Variants in NQO1 observed in about 807,000 individuals in gnomAD.
NQO1 encodes NAD(P)H quinone dehydrogenase 1, also known as NAD(P)H dehydrogenase [quinone] 1.
NQO1 carries 30 observed loss-of-function variants against 32.1 expected under a neutral mutation model. The ratio of observed to expected loss-of-function variants is 0.94; its 90% CI spans 0.70 to 1.27. The LOEUF is 1.27. NQO1 is among the 50% of genes most tolerant of loss of function. The pLI is 0.00. For missense variants in NQO1, 276 were observed against 331.3 expected, an observed-to-expected ratio of 0.83 and a Z score of 1.30; for synonymous variants, 109 against 119.7, an observed-to-expected ratio of 0.91 and a Z score of 0.59.
At chr16:69,716,547 T>C (rs1280715936) in intron 3 of NQO1, among the ~76,000 whole-genome samples, 2 of 152,004 alleles carry the variant, frequency 1.3e-5, no homozygotes, top group African/African-American at 4.8e-5. Flanking sequence ...TAATAAATAA[T>C]AATTAGGGTG....
At position 69,710,499 on chromosome 16, in the gene NQO1, A is replaced by C. The variant is rs1315817980; in HGVS notation, c.*477T>G. On this transcript the variant is annotated 3_prime_UTR_variant, in exon 6 of 6. Coordinates refer to ENST00000320623, the MANE Select transcript of NQO1 (RefSeq NM_000903.3). ...TAACTGCTTTGTAATTGAAAGCAAG[A>C]AATATCATAAACAAGCATTAGATGG... The C allele has an allele frequency of 6.2e-6, 1 of 160,504 alleles. No individual in the cohort carries two copies. Among genetic ancestry groups the C allele is most frequent in the African/African-American group, 2.4e-5 (1 of 41,490 alleles). 9.9% of individuals were successfully genotyped at this position (160,504 alleles called of 1,614,324 possible).
chr16:69,712,996 G>T (rs1383863073), intron 5 of NQO1, 32 bp downstream of exon 5: 2 of 1,564,626 alleles, frequency 1.3e-6, no homozygotes, highest in East Asian at 2.2e-5. Context: ...CCGTCTCAAA[G>T]AAAAAAAAGA....
At chr16:69,721,901 G>C (rs972742844) in intron 1 of NQO1, among the ~76,000 whole-genome samples, 6 of 151,292 alleles carry the variant, frequency 4.0e-5, no homozygotes, top group Middle Eastern at 3.2e-3. Context: ...TACTTAGGAA[G>C]CTGAGGTGGG....
At chr16:69,717,487 G>C (rs1173078957) in intron 3 of NQO1, among the ~76,000 whole-genome samples, 1 of 151,746 alleles carries the variant, frequency 6.6e-6, no homozygotes, top group Non-Finnish European at 1.5e-5. Flanking sequence ...CTAACCGCAG[G>C]ATTCGCTAAC....
chr16:69,711,451 G>A (rs538210441), intron 5 of NQO1, among the ~76,000 whole-genome samples, 170 bp from the exon 6 acceptor site: 14 of 152,168 alleles, frequency 9.2e-5, no homozygotes, highest in Middle Eastern at 6.8e-3. Flanking sequence ...CTACCTAGCC[G>A]TTACCAATTT....
At chr16:69,719,642 G>A (rs1038498259) in intron 1 of NQO1, among the ~76,000 whole-genome samples, 1 of 151,758 alleles carries the variant, frequency 6.6e-6, no homozygotes, top group African/African-American at 2.4e-5. Context: ...GTGTGGTAGC[G>A]GGCACCTGTA....
chr16:69,720,912 G>A (rs1049406835), intron 1 of NQO1, among the ~76,000 whole-genome samples: 3 of 145,372 alleles, frequency 2.1e-5, no homozygotes, highest in Admixed American at 1.4e-4. Flanking sequence ...ACAGGGTCTC[G>A]ATCTGTTGCC....
intron 1 of NQO1, among the ~76,000 whole-genome samples, chr16:69,723,760 C>T (rs1172250229): frequency 6.6e-6 from 1 of 152,116 alleles, no homozygotes; most frequent in African/African-American, 2.4e-5. Context: ...CGAGATCGCA[C>T]CATTGCACTC....
chr16:69,712,539 G>T (rs2038054875), intron 5 of NQO1, among the ~76,000 whole-genome samples: 1 of 152,202 alleles, frequency 6.6e-6, no homozygotes, highest in African/African-American at 2.4e-5. Flanking sequence ...ACGCAGGTGT[G>T]TTCACACACA....
Position 69,711,598 on chromosome 16 carries a change from C to T in NQO1, c.520-317G>A, listed in dbSNP as rs117363962. Among the ~76,000 whole-genome samples the T allele has an allele frequency of 7.9e-3, 1,196 of 151,598 alleles. 7 individuals carry two copies. The highest frequency in any genetic ancestry group is 0.011 in the Non-Finnish European group (747 of 67,924). On this transcript the variant is annotated intron_variant, in intron 5 of 5. Transcript: ENST00000320623. ...TTGGCAGGTGACTCACCAAGACCTG[C>T]GTGGGTGCATTTCTCTGCCTCTCCA...
At position 69,714,976 on chromosome 16, in the gene NQO1, T is replaced by G. The variant is rs780785848; in HGVS notation, c.405A>C (p.Lys135Asn). 94 of 1,612,830 alleles carry G rather than the reference T, an allele frequency of 5.8e-5. No homozygotes were observed. Among genetic ancestry groups the G allele is most frequent in the Non-Finnish European group, 7.6e-5 (90 of 1,179,112 alleles). The change falls in exon 4 of 6, where the codon AAA becomes AAC. Residue 135 changes from lysine to asparagine, a missense_variant. Coordinates refer to ENST00000320623, the MANE Select transcript of NQO1 (RefSeq NM_000903.3). ...FAYTYAAMYD[K>N]GPFRSKKAVL... ...ACCATCCACCTACCCGGAAGGGTCC[T>G]TTGTCATACATGGCAGCGTAAGTGT...
chr16:69,716,441 G>A (rs952899553), intron 3 of NQO1, among the ~76,000 whole-genome samples: 9 of 150,940 alleles, frequency 6.0e-5, no homozygotes, highest in African/African-American at 2.2e-4. Context: ...GCAGTGAGCC[G>A]AGATTGCACC....
At chr16:69,721,868 T>A (rs1469927926) in intron 1 of NQO1, among the ~76,000 whole-genome samples, 1 of 143,616 alleles carries the variant, frequency 7.0e-6, no homozygotes, top group Non-Finnish European at 1.5e-5. Flanking sequence ...CTGAGCGTAG[T>A]GGTGTGTGCC....
chr16:69,718,083 C>T (rs755628687), intron 3 of NQO1, 40 bp downstream of exon 3: 10 of 1,611,386 alleles, frequency 6.2e-6, no homozygotes, highest in East Asian at 4.5e-5. Flanking sequence ...ACAATAAGCA[C>T]GCAAATGTCC....
intron 1 of NQO1, among the ~76,000 whole-genome samples, chr16:69,719,648 C>T (rs1210223027): frequency 6.6e-6 from 1 of 152,056 alleles, no homozygotes; most frequent in African/African-American, 2.4e-5. Context: ...TAGCGGGCAC[C>T]TGTAATCCCA....
At position 69,726,528 on chromosome 16, in the gene NQO1, G is replaced by T; in HGVS notation, c.-89C>A. On this transcript the variant is annotated 5_prime_UTR_variant, in exon 1 of 6. Coordinates refer to ENST00000320623, the MANE Select transcript of NQO1 (RefSeq NM_000903.3). The stretch of plus-strand genomic sequence containing the variant: ...GAACTAGGCTCTCGGTGAGCTGGGC[G>T]GCTCCGGCTGCAACCTTGTGGGAGT... The T allele has an allele frequency of 7.1e-6, 11 of 1,559,068 alleles. No individual in the cohort carries two copies. The highest frequency in any genetic ancestry group is 9.5e-6 in the Non-Finnish European group (11 of 1,154,526).
At position 69,713,283 on chromosome 16, in the gene NQO1, A is replaced by G. The variant is rs574900105; in HGVS notation, c.418-154T>C. On this transcript the variant is annotated intron_variant, in intron 4 of 5. Transcript: ENST00000320623. Reference sequence around the variant, plus strand: ...CTTTGGCTCCCCTGAGCTACATAATATGACTCTGCAGGAGTGCCAGCCTAG... The same window carrying G: ...CTTTGGCTCCCCTGAGCTACATAATGTGACTCTGCAGGAGTGCCAGCCTAG... 2.0e-5 allele frequency among the ~76,000 whole-genome samples: 3 copies of G among 152,326 alleles called. No homozygotes were observed. The South Asian group carries it at 6.2e-4, about 32-fold the overall frequency.
At chr16:69,714,940 G>GA (rs771786671) in intron 4 of NQO1, 24 bp downstream of exon 4, 1 of 1,522,814 alleles carries the variant, frequency 6.6e-7, no homozygotes, top group Admixed American at 1.7e-5. Flanking sequence ...CTGGCTGTCA[G>GA]AGCATTCAGA....
intron 3 of NQO1, among the ~76,000 whole-genome samples, chr16:69,716,192 A>AATAATAATC (rs1555537921): frequency 2.1e-5 from 3 of 144,168 alleles, no homozygotes; most frequent in African/African-American, 7.8e-5. Context: ...TAATAATAAT[A>AATAATAATC]ATCATCATCA....
Sources: allele counts gnomAD v4.1 joint callset (sites outside exome capture counted in the v4.1 genomes callset), GRCh38; gene constraint gnomAD v4.1.1; transcripts MANE v1.5; gene names NCBI Gene and HGNC (gene_info 2026-07-23, HGNC 2026-07-21).